Variants in CRYBG3 observed in about 807,000 individuals in gnomAD.
The protein encoded by CRYBG3 is crystallin beta-gamma domain containing 3, also known as very large A-kinase anchor protein.
In CRYBG3, 127 loss-of-function variants were observed where a neutral mutation model predicts 244.2. That is an observed-to-expected ratio of 0.52 (90% CI 0.45 to 0.60). The LOEUF is 0.60. Among genes scored for constraint, CRYBG3 ranks in the 20% least tolerant of loss-of-function variants. CRYBG3 has a pLI of 0.00. For missense variants in CRYBG3, 3,325 were observed against 3,442.5 expected, an observed-to-expected ratio of 0.97 and a Z score of 0.85; for synonymous variants, 1,132 against 1,195.8, an observed-to-expected ratio of 0.95 and a Z score of 1.10.
rs1407419720 is a variant in CRYBG3 at position 97,854,181 on chromosome 3, GC to G, written c.217-10034del. 7.9e-5 allele frequency among the ~76,000 whole-genome samples: 12 copies of G among 152,190 alleles called. 1 individual carries two copies. The highest frequency in any genetic ancestry group is 1.3e-4 in the Non-Finnish European group (9 of 67,986). On this transcript the variant is annotated intron_variant, in intron 2 of 21. Coordinates refer to ENST00000389622, the MANE Select transcript of CRYBG3 (RefSeq NM_153605.4). Reference sequence around the variant, plus strand: ...TCTATTCTGTTCCTTTGGTCAACATGCCTATCTTATACCAGTACCATGCTGT... The same window carrying G: ...TCTATTCTGTTCCTTTGGTCAACATGCTATCTTATACCAGTACCATGCTGT...
chr3:97,881,693 G>A (rs566986914), intron 7 of CRYBG3, among the ~76,000 whole-genome samples: 1 of 151,986 alleles, frequency 6.6e-6, no homozygotes. Context: ...TCCAGCCTGG[G>A]CGACAGAGTG....
At chr3:97,907,289 T>C (rs1320377843) in intron 15 of CRYBG3, among the ~76,000 whole-genome samples, 1 of 152,226 alleles carries the variant, frequency 6.6e-6, no homozygotes, top group East Asian at 1.9e-4. Flanking sequence ...TTCCCTCTTT[T>C]TCTATTGATT....
At chr3:97,867,834 A>C (rs189189773) in intron 3 of CRYBG3, among the ~76,000 whole-genome samples, 91 of 152,330 alleles carry the variant, frequency 6.0e-4, no homozygotes, top group Middle Eastern at 3.4e-3. Context: ...ACTAAGTACA[A>C]AATTCTCTTC....
At chr3:97,841,975 A>C (rs1293525056) in intron 1 of CRYBG3, among the ~76,000 whole-genome samples, 5 of 152,164 alleles carry the variant, frequency 3.3e-5, no homozygotes, top group Non-Finnish European at 2.9e-5. Context: ...CTCTGAGGGT[A>C]CTTTACTGAG....
chr3:97,834,838 T>C (rs1260364443), intron 1 of CRYBG3, among the ~76,000 whole-genome samples: 3 of 152,188 alleles, frequency 2.0e-5, no homozygotes, highest in African/African-American at 7.2e-5. Context: ...TTTTGCTTTC[T>C]TTTTCATCAA....
chr3:97,858,429 C>T (rs1054348166), intron 2 of CRYBG3, among the ~76,000 whole-genome samples: 4 of 151,968 alleles, frequency 2.6e-5, no homozygotes, highest in African/African-American at 9.7e-5. Context: ...TGTCTATATT[C>T]TTCCAAGACT....
At position 97,877,364 on chromosome 3, in the gene CRYBG3, A is replaced by T; in HGVS notation, c.6170A>T (p.Lys2057Ile). The change falls in exon 4 of 22, where the codon AAA (lysine) becomes ATA (isoleucine). Residue 2057 changes from lysine (K) to isoleucine (I), a missense_variant. Around this residue, in one of 4 missense-constraint regions of CRYBG3, gnomAD observed 450 missense variants for 424.1 expected, o/e 1.06. Transcript: ENST00000389622. ...DLVHHFEKGT[K>I]LGETFDSDSS... is the part of the protein sequence containing the mutation. ...GTCCATCACTTTGAAAAAGGTACTA[A>T]ATTAGGTGAGACATTTGATAGTGAT... 6.2e-7 allele frequency: 1 copy of T among 1,614,108 alleles called. No individual in the cohort carries two copies. The highest frequency in any genetic ancestry group is 8.5e-7 in the Non-Finnish European group (1 of 1,180,002).
chr3:97,881,066 G>A lies in CRYBG3; in HGVS notation c.7005-6G>A. 1 of 1,576,970 alleles carries A rather than the reference G, an allele frequency of 6.3e-7. No individual in the cohort carries two copies. The highest frequency in any genetic ancestry group is 8.6e-7 in the Non-Finnish European group (1 of 1,166,598). ...ATAACTCATCATTGCATTTCTCTTT[G>A]TTTAGCTGGATTTTATATGAGAAAC... On this transcript the variant is annotated splice_region_variant and splice_polypyrimidine_tract_variant and intron_variant, in intron 6 of 21. Transcript: ENST00000389622.
At position 97,876,186 on chromosome 3, in the gene CRYBG3, A is replaced by G. The variant is rs1179287082; in HGVS notation, c.4992A>G (p.Thr1664=). ...DIVKTEMTPV[T]VDMENIYQTH... ...TAAAGACTGAGATGACACCTGTTACAGTAGACATGGAAAATATTTACCAAA... is the reference window on the plus strand; with the variant it reads ...TAAAGACTGAGATGACACCTGTTACGGTAGACATGGAAAATATTTACCAAA... Residue 1664 remains threonine, a synonymous_variant, in exon 4 of 22, where the codon ACA becomes ACG. Coordinates refer to ENST00000389622, the MANE Select transcript of CRYBG3 (RefSeq NM_153605.4). 8.1e-7 allele frequency: 1 copy of G among 1,232,018 alleles called. No individual in the cohort carries two copies. Among genetic ancestry groups the G allele is most frequent in the Non-Finnish European group, 1.0e-6 (1 of 987,926 alleles). The allele number at this position is 1,232,018 out of a possible 1,614,324, so 76.3% of individuals were successfully genotyped here.
chr3:97,846,278 T>G (rs2038899757), intron 2 of CRYBG3, among the ~76,000 whole-genome samples: 1 of 152,218 alleles, frequency 6.6e-6, no homozygotes, highest in Admixed American at 6.5e-5. Flanking sequence ...GCTACTTCCT[T>G]CAGTTTCCAT....
At chr3:97,879,915 A>G in intron 5 of CRYBG3, 70 bp from the exon 6 acceptor site, 1 of 983,980 alleles carries the variant, frequency 1.0e-6, no homozygotes, top group Non-Finnish European at 1.6e-6. Flanking sequence ...GTTCTAGGAC[A>G]TTTTAGAATT....
intron 2 of CRYBG3, among the ~76,000 whole-genome samples, chr3:97,844,788 A>G (rs1255668437): frequency 6.6e-6 from 1 of 152,146 alleles, no homozygotes; most frequent in African/African-American, 2.4e-5. Flanking sequence ...CTGGGCCTCT[A>G]TGCTAACAAT....
intron 3 of CRYBG3, among the ~76,000 whole-genome samples, chr3:97,868,623 T>G (rs2039265005): frequency 6.6e-6 from 1 of 152,162 alleles, no homozygotes; most frequent in East Asian, 1.9e-4. Flanking sequence ...CTTAACCAAC[T>G]TCTTGAAAGT....
Position 97,864,645 on chromosome 3 carries a change from A to G in CRYBG3, c.645A>G (p.Leu215=), listed in dbSNP as rs2039199290. 1 of 1,503,172 alleles carries G rather than the reference A, an allele frequency of 6.7e-7. No individual in the cohort carries two copies. Among genetic ancestry groups the G allele is most frequent in the Non-Finnish European group, 8.8e-7 (1 of 1,132,926 alleles). The allele number at this position is 1,503,172 out of a possible 1,614,324, so 93.1% of individuals were successfully genotyped here. Residue 215 remains leucine, a splice_region_variant and synonymous_variant, in exon 3 of 22, where the codon CTA becomes CTG. Transcript: ENST00000389622. ...GTGACCAAGAAACCACTAATTTGCT[A>G]AAGTAAGTTTAAAATTTCATTGAAC... ...QDSDQETTNL[L]KQIDGKPEKP...
Position 97,919,057 on chromosome 3 carries a change from T to C in CRYBG3, c.8241+3321T>C, listed in dbSNP as rs375601890. On this transcript the variant is annotated intron_variant, in intron 17 of 21. Transcript: ENST00000389622. ...AATCTATCAGAGATGTATAAACTCA[T>C]AGAGGTGTTCTCTGTTACTAGATTT... 1.2e-4 allele frequency among the ~76,000 whole-genome samples: 19 copies of C among 152,278 alleles called. No individual in the cohort carries two copies. In the East Asian group the frequency reaches 1.5e-3, roughly 12 times the overall value.
In CRYBG3 at chr3:97,877,058, G is replaced by A. The variant is rs200348158; in HGVS notation, c.5864G>A (p.Gly1955Glu). ...PAPAMPDFQP[G>E]DTTVRLDKRM... is the part of the protein sequence containing the mutation. Reference sequence around the variant, plus strand: ...CCAGCAATGCCAGATTTTCAACCTGGGGATACCACAGTAAGACTAGACAAA... The same window carrying A: ...CCAGCAATGCCAGATTTTCAACCTGAGGATACCACAGTAAGACTAGACAAA... Residue 1955 changes from glycine to glutamate, a missense_variant, in exon 4 of 22, where the codon GGG (glycine) becomes GAG (glutamate). Around this residue, in one of 4 missense-constraint regions of CRYBG3, gnomAD observed 450 missense variants for 424.1 expected, o/e 1.06. Coordinates refer to ENST00000389622, the MANE Select transcript of CRYBG3 (RefSeq NM_153605.4). 1.3e-5 allele frequency: 20 copies of A among 1,598,166 alleles called. No homozygotes were observed. Among genetic ancestry groups the A allele is most frequent in the Non-Finnish European group, 1.5e-5 (18 of 1,171,556 alleles).
chr3:97,902,526 G>A (rs375164373), intron 15 of CRYBG3, among the ~76,000 whole-genome samples: 2 of 149,688 alleles, frequency 1.3e-5, no homozygotes, highest in African/African-American at 2.5e-5. Flanking sequence ...TGTACAGAAC[G>A]TGCAGGTTTG....
chr3:97,859,534 A>G (rs542035807), intron 2 of CRYBG3, among the ~76,000 whole-genome samples: 1 of 152,320 alleles, frequency 6.6e-6, no homozygotes, highest in Non-Finnish European at 1.5e-5. Context: ...TGCCCATAAT[A>G]GTATCTTGTT....
chr3:97,870,915 T>C (rs1402903548), intron 3 of CRYBG3, among the ~76,000 whole-genome samples: 2 of 151,904 alleles, frequency 1.3e-5, no homozygotes, highest in Non-Finnish European at 2.9e-5. Flanking sequence ...AATGTTGTGC[T>C]CTGTGCACCC....
Sources: gnomAD v4.1 joint callset for allele counts (sites outside exome capture counted in the v4.1 genomes callset) on GRCh38, gnomAD v4.1.1 for gene constraint, gnomAD v4.1.1 regional missense constraint, MANE v1.5 for transcripts, NCBI Gene and HGNC (gene_info 2026-07-23, HGNC 2026-07-21) for gene names.